The following PHF14 variants were observed in gnomAD, a reference collection of about 807,000 sequenced individuals.
PHF14 encodes PHD finger protein 14.
A neutral mutation model predicts 117.9 loss-of-function variants in PHF14; 55 were observed. The ratio of observed to expected loss-of-function variants is 0.47; its 90% CI spans 0.38 to 0.58. The LOEUF is 0.58. Ranked by LOEUF, PHF14 falls within the 20% of genes least tolerant of loss-of-function variation. The probability of loss-of-function intolerance (pLI) is 0.00; values close to 1 mark genes in which losing one functional copy is unlikely to be tolerated. For synonymous variants in PHF14, 409 were observed against 368.6 expected (o/e 1.11, Z -1.26); for missense variants, 978 against 1,122.2 (o/e 0.87, Z 1.84).
intron 17 of PHF14, among the ~76,000 whole-genome samples, chr7:11,122,760 C>T (rs1448609370): frequency 6.6e-6 from 1 of 152,022 alleles, no homozygotes; most frequent in Non-Finnish European, 1.5e-5. Flanking sequence ...CCACATTGTC[C>T]TTCCACTGCC....
At chr7:11,028,055 A>G (rs1783985260) in intron 6 of PHF14, among the ~76,000 whole-genome samples, 5 of 152,174 alleles carry the variant, frequency 3.3e-5, no homozygotes, top group Non-Finnish European at 7.4e-5. Flanking sequence ...ATCCTGATAA[A>G]TCCATTGTAA....
chr7:11,022,751 T>G, intron 5 of PHF14, 117 bp from the exon 6 acceptor site: 1 of 502,596 alleles, frequency 2.0e-6, no homozygotes, highest in Non-Finnish European at 3.5e-6. Context: ...GATTTTAACA[T>G]TTGATTACAG....
chr7:11,034,749 G>A (rs61646663), intron 7 of PHF14, among the ~76,000 whole-genome samples: 1,980 of 151,578 alleles, frequency 0.013, 41 homozygotes, highest in African/African-American at 0.045. Context: ...GGCTTTTGCC[G>A]TGTTGGCCAG....
chr7:10,995,917 C>G (rs1583343225), intron 4 of PHF14, among the ~76,000 whole-genome samples: 1 of 152,234 alleles, frequency 6.6e-6, no homozygotes, highest in African/African-American at 2.4e-5. Flanking sequence ...CCCTCCACAC[C>G]TCCCCGCAAG....
intron 16 of PHF14, among the ~76,000 whole-genome samples, chr7:11,086,211 C>G (rs991971181): frequency 6.6e-6 from 1 of 152,118 alleles, no homozygotes; most frequent in African/African-American, 2.4e-5. Context: ...CTATTGTACT[C>G]AAATTTGTCC....
chr7:11,113,014 A>G (rs753939585), intron 17 of PHF14, among the ~76,000 whole-genome samples: 12 of 152,048 alleles, frequency 7.9e-5, no homozygotes, highest in Non-Finnish European at 1.6e-4. Flanking sequence ...ATGAAACACT[A>G]TGGAGTTTAA....
chr7:11,008,975 G>T (rs1048768181), intron 4 of PHF14, among the ~76,000 whole-genome samples: 1 of 149,426 alleles, frequency 6.7e-6, no homozygotes, highest in African/African-American at 2.5e-5. Context: ...GGTGGAGCTT[G>T]CAGTGAGCTG....
chr7:11,154,310 AAAAC>A (rs1180632376), intron 17 of PHF14, among the ~76,000 whole-genome samples: 2 of 152,180 alleles, frequency 1.3e-5, no homozygotes, highest in Non-Finnish European at 1.5e-5. Context: ...GTATAAAAGA[AAAAC>A]AAAATGTAAA....
intron 7 of PHF14, among the ~76,000 whole-genome samples, chr7:11,031,352 G>T (rs926757681): frequency 1.8e-4 from 28 of 151,796 alleles, no homozygotes; most frequent in Non-Finnish European, 2.9e-4. Context: ...CATCTACTTT[G>T]TGAATATTCC....
At chr7:11,073,573 A>G (rs1015058320) in intron 16 of PHF14, among the ~76,000 whole-genome samples, 1 of 152,158 alleles carries the variant, frequency 6.6e-6, no homozygotes, top group African/African-American at 2.4e-5. Flanking sequence ...TTCCAGGCTC[A>G]GGGTGCAAGC....
At chr7:11,088,055 T>A (rs1786486847) in intron 16 of PHF14, among the ~76,000 whole-genome samples, 1 of 151,972 alleles carries the variant, frequency 6.6e-6, no homozygotes, top group South Asian at 2.1e-4. Context: ...CATCCCTCCA[T>A]ATCCGTGGGG....
At chr7:11,073,668 T>G (rs1266987027) in intron 16 of PHF14, among the ~76,000 whole-genome samples, 1 of 152,240 alleles carries the variant, frequency 6.6e-6, no homozygotes, top group South Asian at 2.1e-4. Flanking sequence ...GTAGGGATTC[T>G]GTGTGAGGGT....
intron 16 of PHF14, among the ~76,000 whole-genome samples, chr7:11,083,540 A>C (rs1486463558): frequency 3.5e-5 from 5 of 144,910 alleles, no homozygotes; most frequent in African/African-American, 1.3e-4. Context: ...GGCTCACTGG[A>C]AACTCCGCCT....
chr7:11,046,659 A>G (rs533827459), intron 13 of PHF14, among the ~76,000 whole-genome samples: 4 of 152,332 alleles, frequency 2.6e-5, no homozygotes, highest in Admixed American at 2.6e-4. Flanking sequence ...AGGTATTATA[A>G]CTACAAAAAG....
At chr7:11,019,225 G>A (rs1783639507) in intron 5 of PHF14, among the ~76,000 whole-genome samples, 1 of 152,154 alleles carries the variant, frequency 6.6e-6, no homozygotes, top group Admixed American at 6.5e-5. Flanking sequence ...GCTGGTTTTG[G>A]TATCAGAGTA....
intron 5 of PHF14, among the ~76,000 whole-genome samples, chr7:11,022,518 A>G (rs930604565): frequency 1.3e-5 from 2 of 152,184 alleles, no homozygotes; most frequent in Non-Finnish European, 2.9e-5. Flanking sequence ...TTCCTTGCAT[A>G]TGAAAATGAT....
intron 16 of PHF14, among the ~76,000 whole-genome samples, chr7:11,098,111 A>G (rs1786945061): frequency 6.6e-6 from 1 of 152,146 alleles, no homozygotes; most frequent in Non-Finnish European, 1.5e-5. Context: ...ATACAAAAAT[A>G]TAAAAAGTAA....
chr7:11,128,000 A>T (rs777556500), intron 17 of PHF14, among the ~76,000 whole-genome samples: 1 of 152,118 alleles, frequency 6.6e-6, no homozygotes. Context: ...CCACCTTTTT[A>T]AAGTTGTAAC....
chr7:11,118,678 T>C (rs1787667194), intron 17 of PHF14, among the ~76,000 whole-genome samples: 1 of 151,858 alleles, frequency 6.6e-6, no homozygotes, highest in Non-Finnish European at 1.5e-5. Context: ...ACAATGTTTT[T>C]ATCAAGTAAT....
Sources: allele counts gnomAD v4.1 joint callset (sites outside exome capture counted in the v4.1 genomes callset), GRCh38; gene constraint gnomAD v4.1.1; transcripts MANE v1.5; gene names NCBI Gene and HGNC (gene_info 2026-07-23, HGNC 2026-07-21).